Variants in TNKS observed in about 807,000 individuals in gnomAD.
TNKS encodes the protein tankyrase.
TNKS carries 72 observed loss-of-function variants against 135.8 expected under a neutral mutation model. The observed-to-expected ratio is 0.53, with a 90% confidence interval of 0.44 to 0.64. TNKS has a LOEUF of 0.64. Ranked by LOEUF, TNKS falls within the 30% of genes least tolerant of loss-of-function variation. The pLI is 0.00. For synonymous variants in TNKS, 849 were observed against 649.3 expected (o/e 1.31, Z -4.68); for missense variants, 1,769 against 1,674.0 (o/e 1.06, Z -0.99).
At chr8:9,702,138 T>C (rs1343130190) in intron 5 of TNKS, among the ~76,000 whole-genome samples, 2 of 152,164 alleles carry the variant, frequency 1.3e-5, no homozygotes, top group Admixed American at 1.3e-4. Context: ...TAACCTAATA[T>C]TTGTGTAATT....
Position 9,580,329 on chromosome 8 carries a change from A to G in TNKS, c.844A>G (p.Asn282Asp), listed in dbSNP as rs779346546. The change falls in exon 2 of 27, where the codon AAC becomes GAC. Residue 282 changes from asparagine to aspartate, a missense_variant. By Grantham distance (23) the Asn-to-Asp change is conservative. Around this residue, in one of 5 missense-constraint regions of TNKS, gnomAD observed 523 missense variants for 541.0 expected, o/e 0.97. Coordinates refer to ENST00000310430, the MANE Select transcript of TNKS (RefSeq NM_003747.3). ...TGATCCAAATGCCAGGGATAACTGGAACTATACACCTCTGCATGAAGCTGC... is the reference window on the plus strand; with the variant it reads ...TGATCCAAATGCCAGGGATAACTGGGACTATACACCTCTGCATGAAGCTGC... ...GADPNARDNW[N>D]YTPLHEAAIK... 6.2e-7 allele frequency: 1 copy of G among 1,614,166 alleles called. No homozygotes were observed. Among genetic ancestry groups the G allele is most frequent in the Non-Finnish European group, 8.5e-7 (1 of 1,180,030 alleles).
In TNKS at chr8:9,589,782, A is replaced by T. The variant is rs369857268; in HGVS notation, c.898+9399A>T. On this transcript the variant is annotated intron_variant, in intron 2 of 26. Coordinates refer to ENST00000310430, the MANE Select transcript of TNKS (RefSeq NM_003747.3). ...TTGATTTTGATTTTGGATCCCTTCG[A>T]AAATTGATTACTGTTAATATTCTTT... Among the ~76,000 whole-genome samples, 11 of 152,358 alleles carry T rather than the reference A, an allele frequency of 7.2e-5. No individual in the cohort carries two copies. The East Asian group carries it at 2.1e-3, about 29-fold the overall frequency.
At chr8:9,732,788 T>A (rs535646707) in intron 14 of TNKS, among the ~76,000 whole-genome samples, 1 of 152,296 alleles carries the variant, frequency 6.6e-6, no homozygotes, top group Admixed American at 6.5e-5. Flanking sequence ...TCATTTTTCT[T>A]ACTGAATACT....
chr8:9,655,866 A>G lies in TNKS; in HGVS notation c.995-24085A>G, dbSNP rs890691224. 4.6e-5 allele frequency among the ~76,000 whole-genome samples: 7 copies of G among 152,328 alleles called. No individual in the cohort carries two copies. In the East Asian group the frequency reaches 1.2e-3, roughly 25 times the overall value. On this transcript the variant is annotated intron_variant, in intron 3 of 26. Coordinates refer to ENST00000310430, the MANE Select transcript of TNKS (RefSeq NM_003747.3). ...GTCCTCCAAAGGAACGCAGCTCCTC[A>G]CCAGCAACAGAACAAAGCTGGACGG...
At chr8:9,752,992 T>C (rs1255524441) in intron 20 of TNKS, among the ~76,000 whole-genome samples, 1 of 151,738 alleles carries the variant, frequency 6.6e-6, no homozygotes, top group African/African-American at 2.4e-5. Flanking sequence ...GAAAGACTTA[T>C]TAATTGCCAC....
chr8:9,568,187 C>T (rs1797620920), intron 1 of TNKS, among the ~76,000 whole-genome samples: 1 of 152,128 alleles, frequency 6.6e-6, no homozygotes, highest in Non-Finnish European at 1.5e-5. Flanking sequence ...AAGCAAGCTG[C>T]ATGCAACTTG....
intron 4 of TNKS, among the ~76,000 whole-genome samples, chr8:9,680,287 C>A (rs1023755519): frequency 3.9e-5 from 6 of 152,104 alleles, no homozygotes; most frequent in African/African-American, 1.4e-4. Context: ...TCATTTTCAT[C>A]TGAAGATTTT....
Position 9,780,234 on chromosome 8 carries a change from G to A in TNKS, c.*3498G>A, listed in dbSNP as rs1433299031. 1.3e-5 allele frequency: 2 copies of A among 148,486 alleles called. No homozygotes were observed. Among genetic ancestry groups the A allele is most frequent in the African/African-American group, 5.0e-5 (2 of 40,048 alleles). The allele number at this position is 148,486 out of a possible 1,614,324, so 9.2% of individuals were successfully genotyped here. On this transcript the variant is annotated 3_prime_UTR_variant, in exon 27 of 27. Coordinates refer to ENST00000310430, the MANE Select transcript of TNKS (RefSeq NM_003747.3). ...TAACATGTGCACTATCTGGATTCCT[G>A]TAAATGGCCTTGCAAACAGAAGTGG...
At chr8:9,694,058 C>G (rs1414011328) in intron 5 of TNKS, among the ~76,000 whole-genome samples, 1 of 152,142 alleles carries the variant, frequency 6.6e-6, no homozygotes. Context: ...CACTGTATGT[C>G]ACAGTTTAGA....
intron 2 of TNKS, among the ~76,000 whole-genome samples, chr8:9,613,243 C>T (rs890155827): frequency 6.6e-6 from 1 of 152,186 alleles, no homozygotes; most frequent in Admixed American, 6.5e-5. Context: ...TAGAGCAAAG[C>T]ATGGAATTAG....
chr8:9,557,998 C>G (rs1208575819), intron 1 of TNKS: 2 of 152,112 alleles, frequency 1.3e-5, no homozygotes, highest in African/African-American at 4.8e-5. Flanking sequence ...GTGTAGAGTT[C>G]CCAATTTTTG....
intron 1 of TNKS, among the ~76,000 whole-genome samples, chr8:9,563,078 C>T (rs181237553): frequency 2.0e-5 from 3 of 151,962 alleles, no homozygotes; most frequent in African/African-American, 4.8e-5. Context: ...TTCTTTAATA[C>T]GATATATGTA....
At chr8:9,595,144 C>T (rs1206624757) in intron 2 of TNKS, among the ~76,000 whole-genome samples, 5 of 150,082 alleles carry the variant, frequency 3.3e-5, no homozygotes, top group East Asian at 1.9e-4. Context: ...TTTTTTGAGA[C>T]GGAGTCTTGC....
At chr8:9,652,865 G>A (rs771892316) in intron 3 of TNKS, among the ~76,000 whole-genome samples, 57 of 152,056 alleles carry the variant, frequency 3.7e-4, no homozygotes, top group Non-Finnish European at 6.0e-4. Context: ...TTTTAAAAAT[G>A]AGAAACATGA....
At chr8:9,600,029 C>T (rs1798952030) in intron 2 of TNKS, among the ~76,000 whole-genome samples, 1 of 152,066 alleles carries the variant, frequency 6.6e-6, no homozygotes, top group African/African-American at 2.4e-5. Context: ...TTTAATATCT[C>T]TAAAAATTAT....
intron 3 of TNKS, among the ~76,000 whole-genome samples, chr8:9,659,540 G>A (rs1249193902): frequency 2.0e-5 from 3 of 152,000 alleles, no homozygotes; most frequent in Non-Finnish European, 2.9e-5. Flanking sequence ...AAACCAACGA[G>A]AACAAAGACA....
At chr8:9,675,123 T>C (rs1802481282) in intron 3 of TNKS, among the ~76,000 whole-genome samples, 1 of 152,238 alleles carries the variant, frequency 6.6e-6, no homozygotes. Flanking sequence ...GACCTAACTC[T>C]AATTCTTGAG....
chr8:9,751,783 G>C lies in TNKS; in HGVS notation c.3007G>C (p.Ala1003Pro). 1 of 1,614,168 alleles carries C rather than the reference G, an allele frequency of 6.2e-7. No individual in the cohort carries two copies. ...DNLTGPLAEL[A>P]VGGASNAGDG... Reference sequence around the variant, plus strand: ...CCTCACTGGCCCTTTAGCAGAGTTGGCCGTAGGAGGAGCCTCCAATGCAGG... The same window carrying C: ...CCTCACTGGCCCTTTAGCAGAGTTGCCCGTAGGAGGAGCCTCCAATGCAGG... Residue 1003 changes from alanine to proline, a missense_variant, in exon 19 of 27, where the codon GCC becomes CCC. Physicochemically the swap from Ala to Pro is conservative, Grantham distance 27 (BLOSUM62 -1). Around this residue, in one of 5 missense-constraint regions of TNKS, gnomAD observed 722 missense variants for 688.9 expected, o/e 1.05. Coordinates refer to ENST00000310430, the MANE Select transcript of TNKS (RefSeq NM_003747.3).
At chr8:9,762,292 C>G (rs571902098) in intron 21 of TNKS, among the ~76,000 whole-genome samples, 1 of 152,256 alleles carries the variant, frequency 6.6e-6, no homozygotes, top group Non-Finnish European at 1.5e-5. Flanking sequence ...CAGAGCTAAT[C>G]AAATTATAAA....
Sources: allele counts gnomAD v4.1 joint callset (sites outside exome capture counted in the v4.1 genomes callset), GRCh38; gene constraint gnomAD v4.1.1; regional missense constraint gnomAD v4.1.1; transcripts MANE v1.5; gene names NCBI Gene and HGNC (gene_info 2026-07-23, HGNC 2026-07-21).